The following PIP5K1B variants were observed in gnomAD, a reference collection of about 807,000 sequenced individuals.
The protein encoded by PIP5K1B is phosphatidylinositol-4-phosphate 5-kinase type 1 beta.
Under a neutral mutation model 67.0 loss-of-function variants are expected in PIP5K1B, and 42 were observed. The observed-to-expected ratio is 0.63, with a 90% CI of 0.49 to 0.81. The LOEUF is 0.81. Among genes scored for constraint, PIP5K1B ranks in the 30% least tolerant of loss-of-function variants. PIP5K1B has a pLI of 0.00. For synonymous variants in PIP5K1B, 214 were observed against 231.4 expected (o/e 0.92, Z 0.68); for missense variants, 459 against 646.3 (o/e 0.71, Z 3.14).
chr9:68,887,880 G>A (rs1259381985), intron 6 of PIP5K1B, among the ~76,000 whole-genome samples: 1 of 152,104 alleles, frequency 6.6e-6, no homozygotes, highest in Non-Finnish European at 1.5e-5. Context: ...GAGAACAGGG[G>A]GCAGATGATC....
In PIP5K1B at chr9:68,917,459, GT is replaced by G. The variant is rs1826157525; in HGVS notation, c.772-88del. 3 of 894,852 alleles carry G rather than the reference GT, an allele frequency of 3.4e-6. No homozygotes were observed. In the East Asian group the frequency reaches 7.2e-5, roughly 22 times the overall value. 55.4% of individuals were successfully genotyped at this position (894,852 alleles called of 1,614,324 possible). On this transcript the variant is annotated intron_variant, in intron 8 of 15. Transcript: ENST00000265382. ...CTGGGAGGAATAACAGGAGCTGTGT[GT>G]CTGTATATCTAGAGCTCTCTGATAA...
At chr9:68,800,975 G>C (rs910213920) in intron 2 of PIP5K1B, among the ~76,000 whole-genome samples, 2 of 152,156 alleles carry the variant, frequency 1.3e-5, no homozygotes, top group African/African-American at 4.8e-5. Context: ...ATCCCAGATA[G>C]GAAAAGTGTC....
intron 5 of PIP5K1B, 126 bp from the exon 6 acceptor site, chr9:68,876,551 G>A (rs775051563): frequency 4.7e-6 from 3 of 636,612 alleles, no homozygotes; most frequent in African/African-American, 1.9e-5. Context: ...TGAGAAACCC[G>A]CTCTCAGGGG....
At chr9:68,744,580 G>A (rs1829185510) in intron 2 of PIP5K1B, among the ~76,000 whole-genome samples, 1 of 152,228 alleles carries the variant, frequency 6.6e-6, no homozygotes, top group Non-Finnish European at 1.5e-5. Context: ...GCTGTGGTTG[G>A]AGGCTTTTTC....
Position 68,876,801 on chromosome 9 carries a change from A to G in PIP5K1B, c.318+7A>G, listed in dbSNP as rs1270885786. 7.6e-7 allele frequency: 1 copy of G among 1,316,718 alleles called. No homozygotes were observed. The highest frequency in any genetic ancestry group is 1.7e-5 in the Admixed American group (1 of 59,528). The allele number at this position is 1,316,718 out of a possible 1,614,324, so 81.6% of individuals were successfully genotyped here. On this transcript the variant is annotated splice_region_variant and intron_variant, in intron 6 of 15. Coordinates refer to ENST00000265382, the MANE Select transcript of PIP5K1B (RefSeq NM_003558.4). The stretch of plus-strand genomic sequence containing the variant: ...CAAGCCTGATGATTACTTGGTAAGA[A>G]CCTGTCATTTTTCTTCCTTCTATAG...
At chr9:68,787,360 A>G (rs1173421287) in intron 2 of PIP5K1B, among the ~76,000 whole-genome samples, 1 of 152,194 alleles carries the variant, frequency 6.6e-6, no homozygotes, top group Non-Finnish European at 1.5e-5. Context: ...TTTCATGTCA[A>G]TAGTGGACTC....
chr9:68,793,599 G>A (rs1316347233), intron 2 of PIP5K1B, among the ~76,000 whole-genome samples: 1 of 152,170 alleles, frequency 6.6e-6, no homozygotes, highest in East Asian at 1.9e-4. Context: ...AAGGATTGGA[G>A]TTGCCATCAG....
chr9:68,773,849 T>C (rs978901175), intron 2 of PIP5K1B, among the ~76,000 whole-genome samples: 6 of 152,134 alleles, frequency 3.9e-5, no homozygotes, highest in Non-Finnish European at 8.8e-5. Flanking sequence ...TATTTGCAAA[T>C]TGAATGGTTG....
chr9:68,820,937 G>C (rs111471935), intron 3 of PIP5K1B, among the ~76,000 whole-genome samples: 3 of 152,174 alleles, frequency 2.0e-5, no homozygotes, highest in Non-Finnish European at 4.4e-5. Context: ...AGTTTTGAGT[G>C]TGTAAAAATG....
At chr9:68,923,905 CA>C (rs956645681) in intron 12 of PIP5K1B, among the ~76,000 whole-genome samples, 1 of 151,884 alleles carries the variant, frequency 6.6e-6, no homozygotes, top group African/African-American at 2.4e-5. Flanking sequence ...TGGAATGAAT[CA>C]ATAAACAGTG....
intron 6 of PIP5K1B, among the ~76,000 whole-genome samples, chr9:68,888,625 T>C (rs62566871): frequency 1.3e-5 from 2 of 152,122 alleles, no homozygotes; most frequent in African/African-American, 4.8e-5. Context: ...CACAGTGCAG[T>C]TCACATCTTC....
intron 5 of PIP5K1B, 126 bp downstream of exon 5, chr9:68,864,093 A>ATT: frequency 1.3e-6 from 1 of 791,682 alleles, no homozygotes; most frequent in South Asian, 2.0e-5. Flanking sequence ...GGCCTTTGGC[A>ATT]GGGCCAAAGG....
chr9:68,801,656 G>A (rs1300879075), intron 2 of PIP5K1B, among the ~76,000 whole-genome samples: 1 of 152,160 alleles, frequency 6.6e-6, no homozygotes, highest in Non-Finnish European at 1.5e-5. Context: ...CAGGCTGGAC[G>A]GAATCTCATC....
chr9:68,859,134 G>A (rs1458424786), intron 4 of PIP5K1B, among the ~76,000 whole-genome samples: 3 of 152,144 alleles, frequency 2.0e-5, no homozygotes, highest in Admixed American at 1.3e-4. Context: ...CTGGAGCCAC[G>A]GTTTCCTTAT....
At chr9:68,941,026 G>A (rs1016117091) in intron 14 of PIP5K1B, 10 of 618,802 alleles carry the variant, frequency 1.6e-5, no homozygotes, top group Non-Finnish European at 6.0e-6. Flanking sequence ...TTATATACTT[G>A]GCTCAATGGA....
At chr9:68,909,283 T>TTTTG (rs76189159) in intron 8 of PIP5K1B, among the ~76,000 whole-genome samples, 14,326 of 151,892 alleles carry the variant, frequency 0.094, 805 homozygotes, top group Non-Finnish European at 0.14. Flanking sequence ...ATCTAGGTTT[T>TTTTG]TTTGTTTGTT....
At chr9:68,734,813 C>A (rs1165569681) in intron 1 of PIP5K1B, among the ~76,000 whole-genome samples, 1 of 152,156 alleles carries the variant, frequency 6.6e-6, no homozygotes, top group African/African-American at 2.4e-5. Flanking sequence ...GGAAAGCAGC[C>A]CATCATTTGA....
chr9:68,859,577 C>G (rs960410919), intron 4 of PIP5K1B, among the ~76,000 whole-genome samples: 2 of 152,192 alleles, frequency 1.3e-5, no homozygotes, highest in Non-Finnish European at 2.9e-5. Flanking sequence ...AGAGCATATG[C>G]CAAGCCATGC....
intron 1 of PIP5K1B, among the ~76,000 whole-genome samples, chr9:68,724,848 A>G (rs1191561240): frequency 6.6e-6 from 1 of 152,182 alleles, no homozygotes; most frequent in Non-Finnish European, 1.5e-5. Context: ...TTTTCCTTCT[A>G]CTACTTTTTA....
Sources: gnomAD v4.1 joint callset for allele counts (sites outside exome capture counted in the v4.1 genomes callset) on GRCh38, gnomAD v4.1.1 for gene constraint, MANE v1.5 for transcripts, NCBI Gene and HGNC (gene_info 2026-07-23, HGNC 2026-07-21) for gene names.